TECPR2: variants seen among roughly 807,000 people sequenced by gnomAD.
TECPR2 encodes the protein tectonin beta-propeller repeat containing 2.
Under a neutral mutation model 138.1 loss-of-function variants are expected in TECPR2, and 65 were observed. That is an observed-to-expected ratio of 0.47 (90% CI 0.39 to 0.58). The LOEUF is 0.58. TECPR2 is among the 20% of genes least tolerant of loss of function. TECPR2 has a pLI of 0.00. For missense variants in TECPR2, 1,553 were observed against 1,824.5 expected, an observed-to-expected ratio of 0.85 and a Z score of 2.71; for synonymous variants, 746 against 749.8, an observed-to-expected ratio of 0.99 and a Z score of 0.08.
chr14:102,499,862 G>T lies in TECPR2; in HGVS notation c.*1605G>T, dbSNP rs1339692754. 4 of 153,304 alleles carry T rather than the reference G, an allele frequency of 2.6e-5. No homozygotes were observed. The highest frequency in any genetic ancestry group is 9.6e-5 in the African/African-American group (4 of 41,460). 9.5% of individuals were successfully genotyped at this position (153,304 alleles called of 1,614,324 possible). On this transcript the variant is annotated 3_prime_UTR_variant, in exon 20 of 20. Coordinates refer to ENST00000359520, the MANE Select transcript of TECPR2 (RefSeq NM_014844.5). ...GACCCAGCCAGCCACATAGGTGGAG[G>T]TTTTCCATGTCCAAATGAGGTCAAG...
intron 17 of TECPR2, among the ~76,000 whole-genome samples, chr14:102,478,020 G>A (rs140599546): frequency 0.041 from 6,127 of 150,520 alleles, 154 homozygotes; most frequent in Middle Eastern, 0.095. Flanking sequence ...AAAGTGCTGG[G>A]ATTACAGGCG....
At chr14:102,469,128 C>CA (rs201317528) in intron 17 of TECPR2, among the ~76,000 whole-genome samples, 2,418 of 149,092 alleles carry the variant, frequency 0.016, 62 homozygotes, top group African/African-American at 0.056. Context: ...TCAATTTCTG[C>CA]AAAAAAAAAT....
At chr14:102,405,481 A>G (rs1009567477) in intron 2 of TECPR2, among the ~76,000 whole-genome samples, 13 of 152,308 alleles carry the variant, frequency 8.5e-5, no homozygotes, top group Non-Finnish European at 1.8e-4. Flanking sequence ...CCCCACACCC[A>G]TTAGGATGGC....
intron 17 of TECPR2, among the ~76,000 whole-genome samples, chr14:102,465,872 A>G (rs985915552): frequency 6.6e-6 from 1 of 152,100 alleles, no homozygotes; most frequent in African/African-American, 2.4e-5. Flanking sequence ...ACCCTTAAAG[A>G]TCCCACAGGC....
At chr14:102,423,304 C>T (rs886990654) in intron 5 of TECPR2, among the ~76,000 whole-genome samples, 1 of 152,062 alleles carries the variant, frequency 6.6e-6, no homozygotes, top group African/African-American at 2.4e-5. Context: ...TGGCGGTGCA[C>T]ACCTATAATC....
At position 102,425,290 on chromosome 14, in the gene TECPR2, A is replaced by ACC; in HGVS notation, c.950_951insCC (p.Gln317HisfsTer27). The ACC allele has an allele frequency of 6.3e-7, 1 of 1,575,580 alleles. No homozygotes were observed. The highest frequency in any genetic ancestry group is 1.2e-5 in the South Asian group (1 of 85,206). The stretch of plus-strand genomic sequence containing the variant: ...ATCTATCTCCTAGACACAGTCAACC[A>ACC]GGTAAGTGAAGGGACGCCACCATAT... On this transcript the variant is annotated frameshift_variant and splice_region_variant, in exon 6 of 20. Transcript: ENST00000359520. LOFTEE classifies it high-confidence loss of function.
In TECPR2 at chr14:102,428,162, ACT is replaced by A. The variant is rs145729915; in HGVS notation, c.952-84_952-83del. 1.1e-3 allele frequency: 1,608 copies of A among 1,419,620 alleles called. 20 individuals are homozygous for A. The African/African-American group carries it at 0.022, about 19-fold the overall frequency. The allele number at this position is 1,419,620 out of a possible 1,614,324, so 87.9% of individuals were successfully genotyped here. ...TGCAGTTATCATTTGACTGATTTGG[ACT>A]CTCACACATGCATTTTTATGCTTTG... is the stretch of plus-strand genomic sequence containing the variant. On this transcript the variant is annotated intron_variant, in intron 6 of 19. Coordinates refer to ENST00000359520, the MANE Select transcript of TECPR2 (RefSeq NM_014844.5).
intron 1 of TECPR2, among the ~76,000 whole-genome samples, chr14:102,372,665 A>G (rs1446131897): frequency 6.6e-6 from 1 of 152,086 alleles, no homozygotes; most frequent in East Asian, 1.9e-4. Flanking sequence ...CAAGCCTGTA[A>G]TCCTAGCACT....
chr14:102,405,066 G>C (rs1186912602), intron 2 of TECPR2, among the ~76,000 whole-genome samples: 1 of 152,008 alleles, frequency 6.6e-6, no homozygotes, highest in Admixed American at 6.5e-5. Flanking sequence ...CCCAGCACTT[G>C]GGAGGCCCAG....
At chr14:102,381,038 G>A (rs1255662248) in intron 2 of TECPR2, among the ~76,000 whole-genome samples, 2 of 149,264 alleles carry the variant, frequency 1.3e-5, no homozygotes, top group Non-Finnish European at 3.0e-5. Flanking sequence ...CGTAGTGACT[G>A]CAACCTCCAC....
intron 1 of TECPR2, among the ~76,000 whole-genome samples, chr14:102,372,165 G>A (rs1887522848): frequency 6.6e-6 from 1 of 152,048 alleles, no homozygotes; most frequent in Non-Finnish European, 1.5e-5. Flanking sequence ...TTCCCAGGCT[G>A]GTCTCAAATT....
chr14:102,441,389 A>G (rs1167143373), intron 11 of TECPR2, among the ~76,000 whole-genome samples: 2 of 148,528 alleles, frequency 1.3e-5, no homozygotes, highest in Non-Finnish European at 3.0e-5. Flanking sequence ...TCTAAATAGC[A>G]GTTCAGGCCA....
Position 102,419,719 on chromosome 14 carries a change from T to G in TECPR2, c.638+4926T>G, listed in dbSNP as rs1175575003. On this transcript the variant is annotated intron_variant, in intron 5 of 19. Coordinates refer to ENST00000359520, the MANE Select transcript of TECPR2 (RefSeq NM_014844.5). This position sits in a 1 kb window ranked among gnomAD's most constrained non-coding sequence, Gnocchi z 4.8. ...TGATGTGTGTTACATCCAGAAAACC[T>G]CAGAGGCCCTAGCCATCTGCAACCG... Among the ~76,000 whole-genome samples the G allele has an allele frequency of 1.3e-5, 2 of 152,122 alleles. No individual in the cohort carries two copies.
At chr14:102,485,679 A>G (rs570055968) in intron 17 of TECPR2, among the ~76,000 whole-genome samples, 25 of 152,266 alleles carry the variant, frequency 1.6e-4, no homozygotes, top group African/African-American at 5.5e-4. Flanking sequence ...CAGTAAAACC[A>G]TGAGCGGCAG....
chr14:102,425,347 CTA>C, intron 6 of TECPR2, 56 bp downstream of exon 6: 1 of 1,513,272 alleles, frequency 6.6e-7, no homozygotes, highest in Non-Finnish European at 8.9e-7. Flanking sequence ...GAATGTATCT[CTA>C]TAAACTGTTC....
rs1429783859 is a variant in TECPR2 at position 102,435,092 on chromosome 14, G to T, written c.2275G>T (p.Ala759Ser). 1 of 1,613,916 alleles carries T rather than the reference G, an allele frequency of 6.2e-7. No individual in the cohort carries two copies. Among genetic ancestry groups the T allele is most frequent in the Admixed American group, 1.7e-5 (1 of 60,018 alleles). ...GTCCAGCGATGAGGAGGACATCTATGCCCACGGGCTTCCTTCTTCATCCTC... is the reference window on the plus strand; with the variant it reads ...GTCCAGCGATGAGGAGGACATCTATTCCCACGGGCTTCCTTCTTCATCCTC... ...LTSSDEEDIY[A>S]HGLPSSSSET... Residue 759 changes from alanine to serine, a missense_variant, in exon 9 of 20, where the codon GCC becomes TCC. Transcript: ENST00000359520.
In TECPR2 at chr14:102,450,566, A is replaced by G. The variant is rs1258781862; in HGVS notation, c.3323A>G (p.Tyr1108Cys). The G allele has an allele frequency of 6.8e-6, 11 of 1,614,002 alleles. No homozygotes were observed. The East Asian group carries it at 2.0e-4, about 29-fold the overall frequency. The change falls in exon 15 of 20, where the codon TAC becomes TGC. Residue 1108 changes from tyrosine (Y) to cysteine (C), a missense_variant. Tyr to Cys is a radical substitution (Grantham distance 194). Coordinates refer to ENST00000359520, the MANE Select transcript of TECPR2 (RefSeq NM_014844.5). ...TCCTATTTACTCTTTCCAGGCACCT[A>G]CTGGAATCATGTGGTTCCCCGTGGG... ...HVAKGSLIGT[Y>C]WNHVVPRGTA...
chr14:102,453,027 A>G (rs186116667), intron 16 of TECPR2, among the ~76,000 whole-genome samples: 28 of 152,324 alleles, frequency 1.8e-4, no homozygotes, highest in Non-Finnish European at 2.5e-4. Context: ...ACGTTTGTCT[A>G]TCTCCTCAGG....
intron 17 of TECPR2, among the ~76,000 whole-genome samples, chr14:102,486,933 A>G (rs1336684469): frequency 4.6e-5 from 7 of 152,202 alleles, no homozygotes; most frequent in Non-Finnish European, 5.9e-5. Flanking sequence ...TAGAAAGACC[A>G]AACAGAAGTC....
Sources: allele counts gnomAD v4.1 joint callset (sites outside exome capture counted in the v4.1 genomes callset), GRCh38; gene constraint gnomAD v4.1.1; non-coding constraint Gnocchi (gnomAD v3.1); transcripts MANE v1.5; gene names NCBI Gene and HGNC (gene_info 2026-07-23, HGNC 2026-07-21).